Variants in RPRD2 observed in about 807,000 individuals in gnomAD.
The protein encoded by RPRD2 is regulation of nuclear pre-mRNA domain containing 2, also known as regulation of nuclear pre-mRNA domain-containing protein 2.
In RPRD2, 12 loss-of-function variants were observed where a neutral mutation model predicts 104.4. The observed-to-expected ratio is 0.11, with a 90% CI of 0.07 to 0.19. The LOEUF is 0.19. Among genes scored for constraint, RPRD2 ranks in the 10% least tolerant of loss-of-function variants. The probability of loss-of-function intolerance (pLI) is 1.00; values close to 1 mark genes in which losing one functional copy is unlikely to be tolerated. For missense variants in RPRD2, 1,543 were observed against 1,790.1 expected (o/e 0.86, Z 2.49); for synonymous variants, 714 against 684.9 (o/e 1.04, Z -0.66).
In RPRD2 at chr1:150,364,231, A is replaced by G. The variant is rs1402383297; in HGVS notation, c.-484A>G. Among the ~76,000 whole-genome samples, 2 of 152,176 alleles carry G rather than the reference A, an allele frequency of 1.3e-5. No individual in the cohort carries two copies. Among genetic ancestry groups the G allele is most frequent in the Non-Finnish European group, 2.9e-5 (2 of 68,024 alleles). On this transcript the variant is annotated 5_prime_UTR_variant, in exon 1 of 11. Coordinates refer to ENST00000369068, the MANE Select transcript of RPRD2 (RefSeq NM_015203.5). ...GGACCTTTTCTGTGCTAGCGAGTCT[A>G]AAGGAAAGAAAGATTTCTGCAACTG...
intron 1 of RPRD2, among the ~76,000 whole-genome samples, chr1:150,414,870 C>T (rs1403207503): frequency 6.6e-6 from 1 of 152,136 alleles, no homozygotes; most frequent in Non-Finnish European, 1.5e-5. Context: ...GTATACAAAA[C>T]TCTTTCAGAC....
intron 8 of RPRD2, among the ~76,000 whole-genome samples, chr1:150,458,939 G>A (rs1211207480): frequency 3.9e-5 from 6 of 152,094 alleles, no homozygotes; most frequent in South Asian, 2.1e-4. Context: ...CACCATGCCC[G>A]GCCCTGATTC....
chr1:150,420,489 A>G (rs956323182), intron 2 of RPRD2, among the ~76,000 whole-genome samples: 7 of 152,180 alleles, frequency 4.6e-5, no homozygotes, highest in Admixed American at 1.3e-4. Context: ...TATCATTACT[A>G]TTGATCATTA....
chr1:150,443,243 CA>C lies in RPRD2; in HGVS notation c.531del (p.Ala178LeufsTer7). On this transcript the variant is annotated frameshift_variant, in exon 5 of 11. Coordinates refer to ENST00000369068, the MANE Select transcript of RPRD2 (RefSeq NM_015203.5). LOFTEE classifies it high-confidence loss of function. ...TTAATTCCAACAGCATCTACAAATC[CA>C]AAAGCTGCTCTCAAGTCTAAGATAG... The part of the protein sequence containing the change: ...QWKKSQTSTN[P>X]KAALKSKIVA... The C allele has an allele frequency of 1.3e-6, 2 of 1,577,300 alleles. No individual in the cohort carries two copies. Among genetic ancestry groups the C allele is most frequent in the East Asian group, 4.6e-5 (2 of 43,948 alleles).
At chr1:150,419,399 A>C (rs587626704) in intron 2 of RPRD2, among the ~76,000 whole-genome samples, 1 of 152,328 alleles carries the variant, frequency 6.6e-6, no homozygotes, top group Admixed American at 6.5e-5. Flanking sequence ...AAGAAATAAA[A>C]GAACTGACTG....
rs56743462 is a variant in RPRD2, at chr1:150,373,533, C to CTTTTTTTTTT, written c.205+8626_205+8635dup. ...AGAGGAGGAGAATAATCAAGAATGA[C>CTTTTTTTTTT]TTTTTTTTTTTTTTTTTTTTTAGCT... On this transcript the variant is annotated intron_variant, in intron 1 of 10. Coordinates refer to ENST00000369068, the MANE Select transcript of RPRD2 (RefSeq NM_015203.5). Among the ~76,000 whole-genome samples, 713 of 97,360 alleles carry CTTTTTTTTTT rather than the reference C, an allele frequency of 7.3e-3. 96 individuals are homozygous for CTTTTTTTTTT. The highest frequency in any genetic ancestry group is 0.023 in the African/African-American group (604 of 26,082). 63.9% of individuals were successfully genotyped at this position (97,360 alleles called of 152,430 possible). A position where few individuals can be genotyped will look rare whatever the true frequency, so the allele number is the denominator to read the frequency against.
chr1:150,455,270 G>A (rs587729828), intron 7 of RPRD2, among the ~76,000 whole-genome samples: 47 of 152,302 alleles, frequency 3.1e-4, no homozygotes, highest in South Asian at 1.9e-3. Context: ...TTGGGAAGCC[G>A]AGACAGGCTG....
chr1:150,431,456 A>G (rs1665563743), intron 2 of RPRD2, among the ~76,000 whole-genome samples: 1 of 119,874 alleles, frequency 8.3e-6, no homozygotes, highest in Admixed American at 1.0e-4. Context: ...AATATTATTC[A>G]GTCTTAAAAA....
At chr1:150,402,726 G>T (rs1238858500) in intron 1 of RPRD2, among the ~76,000 whole-genome samples, 1 of 152,038 alleles carries the variant, frequency 6.6e-6, no homozygotes, top group Admixed American at 6.6e-5. Context: ...CAGCACTTTG[G>T]GAGGCCGAGG....
chr1:150,422,527 G>T (rs941723943), intron 2 of RPRD2, among the ~76,000 whole-genome samples: 7 of 152,154 alleles, frequency 4.6e-5, no homozygotes, highest in African/African-American at 1.4e-4. Context: ...GAGTGAAGTA[G>T]GTTGAGTGTG....
intron 7 of RPRD2, among the ~76,000 whole-genome samples, chr1:150,453,558 G>A (rs1572508354): frequency 1.3e-5 from 2 of 152,242 alleles, no homozygotes. Context: ...ACAGAGGAAG[G>A]GAAAGAAATT....
chr1:150,399,011 T>C (rs1224675613), intron 1 of RPRD2, among the ~76,000 whole-genome samples: 1 of 152,156 alleles, frequency 6.6e-6, no homozygotes, highest in East Asian at 1.9e-4. Flanking sequence ...TTTTAATTAG[T>C]TTATTTTTTG....
chr1:150,398,068 A>G (rs1421054518), intron 1 of RPRD2, among the ~76,000 whole-genome samples: 5 of 150,276 alleles, frequency 3.3e-5, no homozygotes, highest in Non-Finnish European at 7.4e-5. Flanking sequence ...TCTCACAGCA[A>G]CCTCTGTCTC....
chr1:150,390,167 A>T (rs1438262578), intron 1 of RPRD2, among the ~76,000 whole-genome samples: 1 of 152,244 alleles, frequency 6.6e-6, no homozygotes, highest in Non-Finnish European at 1.5e-5. Context: ...CAAACCCCAA[A>T]GACTTAAACT....
intron 1 of RPRD2, among the ~76,000 whole-genome samples, chr1:150,411,354 A>C (rs1400005650): frequency 1.3e-5 from 2 of 149,044 alleles, no homozygotes; most frequent in Non-Finnish European, 3.0e-5. Context: ...CCAGTTACTC[A>C]GGAAGCTGAA....
At chr1:150,370,954 C>G (rs1357527159) in intron 1 of RPRD2, among the ~76,000 whole-genome samples, 3 of 152,180 alleles carry the variant, frequency 2.0e-5, no homozygotes, top group Non-Finnish European at 2.9e-5. Context: ...CTCCCCACTT[C>G]AGTAGTTATC....
intron 1 of RPRD2, among the ~76,000 whole-genome samples, chr1:150,381,539 C>G (rs1553880793): frequency 1.4e-5 from 2 of 146,758 alleles, no homozygotes; most frequent in Non-Finnish European, 3.0e-5. Context: ...GGGTCTTGCT[C>G]TATCGCCCAG....
chr1:150,405,345 A>G (rs1663385670), intron 1 of RPRD2, among the ~76,000 whole-genome samples: 2 of 152,234 alleles, frequency 1.3e-5, no homozygotes, highest in Admixed American at 1.3e-4. Context: ...TTCTAAAGTC[A>G]GTACATAAAA....
At chr1:150,419,374 G>T (rs587742292) in intron 2 of RPRD2, among the ~76,000 whole-genome samples, 1 of 152,104 alleles carries the variant, frequency 6.6e-6, no homozygotes, top group South Asian at 2.1e-4. Flanking sequence ...TCAAATTATG[G>T]AATATATTGA....
Sources: gnomAD v4.1 joint callset for allele counts (sites outside exome capture counted in the v4.1 genomes callset) on GRCh38, gnomAD v4.1.1 for gene constraint, MANE v1.5 for transcripts, NCBI Gene and HGNC (gene_info 2026-07-23, HGNC 2026-07-21) for gene names.